Variants in LEPR observed in about 807,000 individuals in gnomAD.
The protein encoded by LEPR is leptin receptor.
Under a neutral mutation model 114.7 loss-of-function variants are expected in LEPR, and 56 were observed. The ratio of observed to expected loss-of-function variants is 0.49; its 90% CI spans 0.39 to 0.61. The LOEUF (loss-of-function observed/expected upper bound fraction) is 0.61. LEPR is among the 20% of genes least tolerant of loss of function. The pLI is 0.00. For missense variants in LEPR, 1,202 were observed against 1,352.9 expected (o/e 0.89, Z 1.75); for synonymous variants, 443 against 461.4 (o/e 0.96, Z 0.51).
chr1:65,458,109 A>G lies in LEPR; in HGVS notation c.-21+32731A>G, dbSNP rs539647960. Among the ~76,000 whole-genome samples the G allele has an allele frequency of 7.9e-5, 12 of 152,364 alleles. No homozygotes were observed. The East Asian group carries it at 2.3e-3, about 29-fold the overall frequency. ...CAGCTTTGACTACTGCAGGAAATCCACAAACCTCAAATTTAGATGAAAACA... is the reference window on the plus strand; with the variant it reads ...CAGCTTTGACTACTGCAGGAAATCCGCAAACCTCAAATTTAGATGAAAACA... On this transcript the variant is annotated intron_variant, in intron 2 of 19. Coordinates refer to ENST00000349533, the MANE Select transcript of LEPR (RefSeq NM_002303.6).
intron 2 of LEPR, among the ~76,000 whole-genome samples, chr1:65,472,586 A>G (rs1356453737): frequency 1.4e-5 from 2 of 144,426 alleles, no homozygotes; most frequent in African/African-American, 5.3e-5. Context: ...TGCTCTCAGA[A>G]TAAATAATTA....
At chr1:65,488,024 CTTTCTTTCTTTG>C (rs1249032045) in intron 2 of LEPR, among the ~76,000 whole-genome samples, 1 of 142,592 alleles carries the variant, frequency 7.0e-6, no homozygotes, top group Admixed American at 7.2e-5. Context: ...CTTCCTTTCT[CTTTCTTTCTTTG>C]TTTCTTTCTT....
intron 2 of LEPR, among the ~76,000 whole-genome samples, chr1:65,518,863 CTTTCTTTCTT>C (rs752929445): frequency 0.015 from 2,054 of 137,470 alleles, 29 homozygotes; most frequent in African/African-American, 0.037. Context: ...TCTTTTCTTT[CTTTCTTTCTT>C]TTTCTTTCTT....
intron 14 of LEPR, among the ~76,000 whole-genome samples, chr1:65,615,804 T>C (rs1657491090): frequency 6.6e-6 from 1 of 152,198 alleles, no homozygotes; most frequent in Non-Finnish European, 1.5e-5. Flanking sequence ...CTATGCTCCA[T>C]AACGATCCAG....
At chr1:65,589,565 T>G (rs1324441894) in intron 5 of LEPR, among the ~76,000 whole-genome samples, 1 of 152,082 alleles carries the variant, frequency 6.6e-6, no homozygotes, top group Non-Finnish European at 1.5e-5. Context: ...ACATTTAGAT[T>G]TATGATTCAT....
At chr1:65,583,870 G>A (rs992111529) in intron 5 of LEPR, among the ~76,000 whole-genome samples, 2 of 152,022 alleles carry the variant, frequency 1.3e-5, no homozygotes, top group African/African-American at 4.8e-5. Flanking sequence ...GAATGTAAAG[G>A]AAAATATGAA....
At position 65,596,583 on chromosome 1, in the gene LEPR, T is replaced by A; in HGVS notation, c.839T>A (p.Val280Asp). 6.2e-7 allele frequency: 1 copy of A among 1,612,120 alleles called. No individual in the cohort carries two copies. Among genetic ancestry groups the A allele is most frequent in the Non-Finnish European group, 8.5e-7 (1 of 1,178,756 alleles). ...QVKYSENSTT[V>D]IREADKIVSA... ...AAATATTCAGAGAATTCTACAACAG[T>A]TATCAGAGAAGTAAGTATATTTTAG... is the stretch of plus-strand genomic sequence containing the variant. The change falls in exon 7 of 20, where the codon GTT (valine) becomes GAT (aspartate). Residue 280 changes from valine (V) to aspartate (D), a missense_variant. Coordinates refer to ENST00000349533, the MANE Select transcript of LEPR (RefSeq NM_002303.6).
chr1:65,469,079 A>C (rs1057044646), intron 2 of LEPR, among the ~76,000 whole-genome samples: 1 of 152,218 alleles, frequency 6.6e-6, no homozygotes, highest in Non-Finnish European at 1.5e-5. Context: ...TTTATTAATC[A>C]TCATGTATGC....
chr1:65,455,636 C>A (rs1461354732), intron 2 of LEPR, among the ~76,000 whole-genome samples: 1 of 150,750 alleles, frequency 6.6e-6, no homozygotes, highest in Non-Finnish European at 1.5e-5. Flanking sequence ...GCAGTCTGTC[C>A]GTTCTCAGAT....
chr1:65,606,462 C>T (rs1437174470), intron 11 of LEPR, among the ~76,000 whole-genome samples: 1 of 152,132 alleles, frequency 6.6e-6, no homozygotes, highest in Non-Finnish European at 1.5e-5. Flanking sequence ...AGTAACTCAA[C>T]GTTGGGATCC....
chr1:65,454,609 C>T (rs898819768), intron 2 of LEPR, among the ~76,000 whole-genome samples: 10 of 152,108 alleles, frequency 6.6e-5, no homozygotes, highest in African/African-American at 1.2e-4. Flanking sequence ...TGAATATTGG[C>T]CCCCACTCTC....
At position 65,634,777 on chromosome 1, in the gene LEPR, A is replaced by T. The variant is rs190979299; in HGVS notation, c.2674-1414A>T. The T allele has an allele frequency of 7.1e-5, 65 of 912,422 alleles. 2 individuals are homozygous for T. The East Asian group carries it at 6.4e-3, about 90-fold the overall frequency. 56.5% of individuals were successfully genotyped at this position (912,422 alleles called of 1,614,324 possible). A position where few individuals can be genotyped will look rare whatever the true frequency, so the allele number is the denominator to read the frequency against. On this transcript the variant is annotated intron_variant, in intron 19 of 19. Coordinates refer to ENST00000349533, the MANE Select transcript of LEPR (RefSeq NM_002303.6). Reference sequence around the variant, plus strand: ...AATCTTAATATGTAGGTTCATTTAAATTTTAAGACAGTTCAGTGCATATAT... The same window carrying T: ...AATCTTAATATGTAGGTTCATTTAATTTTTAAGACAGTTCAGTGCATATAT...
At chr1:65,533,067 G>C (rs574205328) in intron 2 of LEPR, among the ~76,000 whole-genome samples, 4 of 151,958 alleles carry the variant, frequency 2.6e-5, no homozygotes, top group Non-Finnish European at 5.9e-5. Flanking sequence ...TCAAGAAACA[G>C]AAAATGAAAT....
intron 6 of LEPR, among the ~76,000 whole-genome samples, chr1:65,593,689 A>G (rs1465344639): frequency 6.6e-6 from 1 of 152,102 alleles, no homozygotes; most frequent in Admixed American, 6.6e-5. Flanking sequence ...TACTCGAGAT[A>G]TAGCACTTTT....
intron 2 of LEPR, among the ~76,000 whole-genome samples, chr1:65,437,399 T>C (rs1570447035): frequency 6.6e-6 from 1 of 152,054 alleles, no homozygotes; most frequent in East Asian, 1.9e-4. Context: ...GATGAATGGA[T>C]AATGTGATAT....
At chr1:65,564,154 C>G (rs563623207) in intron 2 of LEPR, among the ~76,000 whole-genome samples, 108 of 148,844 alleles carry the variant, frequency 7.3e-4, no homozygotes, top group South Asian at 6.5e-3. Flanking sequence ...CCCCCAGCCT[C>G]GCTGCCGCCT....
At chr1:65,577,278 T>G (rs565104098) in intron 5 of LEPR, 1 of 153,914 alleles carries the variant, frequency 6.5e-6, no homozygotes, top group East Asian at 1.9e-4. Flanking sequence ...CCCTCACACT[T>G]TATGTTTCTT....
At chr1:65,603,381 T>C (rs986881851) in intron 10 of LEPR, among the ~76,000 whole-genome samples, 2 of 151,746 alleles carry the variant, frequency 1.3e-5, no homozygotes, top group Admixed American at 6.6e-5. Flanking sequence ...ACATTCATGA[T>C]TGTAATTTTG....
chr1:65,528,815 T>C (rs866192702), intron 2 of LEPR, among the ~76,000 whole-genome samples: 8 of 152,294 alleles, frequency 5.3e-5, no homozygotes, highest in South Asian at 2.1e-4. Flanking sequence ...TATTTACTTA[T>C]TTATTTTGAG....
Sources: allele counts gnomAD v4.1 joint callset (sites outside exome capture counted in the v4.1 genomes callset), GRCh38; gene constraint gnomAD v4.1.1; transcripts MANE v1.5; gene names NCBI Gene and HGNC (gene_info 2026-07-23, HGNC 2026-07-21).